Variants in MYT1 observed in about 807,000 individuals in gnomAD.
MYT1 encodes myelin transcription factor I.
A neutral mutation model predicts 123.0 loss-of-function variants in MYT1; 23 were observed. The ratio of observed to expected loss-of-function variants is 0.19; its 90% CI spans 0.13 to 0.26. The LOEUF (loss-of-function observed/expected upper bound fraction) is 0.26, where lower values mean the gene tolerates loss of function less well. Among genes scored for constraint, MYT1 ranks in the 10% least tolerant of loss-of-function variants. The probability of loss-of-function intolerance (pLI) is 1.00; values close to 1 mark genes in which losing one functional copy is unlikely to be tolerated. For synonymous variants in MYT1, 518 were observed against 575.3 expected (o/e 0.90, Z 1.43); for missense variants, 1,125 against 1,472.5 (o/e 0.76, Z 3.86).
In MYT1 at chr20:64,231,383, C is replaced by T. The variant is rs1490836464; in HGVS notation, c.2676-781C>T. ...ATGGGCCTGGGCCCTCTGCGCTGTC[C>T]TGTTTGTCTCTGACCCACACTGAGC... On this transcript the variant is annotated intron_variant, in intron 18 of 22. Coordinates refer to ENST00000328439, the MANE Select transcript of MYT1 (RefSeq NM_004535.3). This position sits in a 1 kb window ranked among gnomAD's most constrained non-coding sequence, Gnocchi z 6.4. 6.6e-6 allele frequency among the ~76,000 whole-genome samples: 1 copy of T among 152,210 alleles called. No homozygotes were observed. The highest frequency in any genetic ancestry group is 1.5e-5 in the Non-Finnish European group (1 of 68,022).
intron 4 of MYT1, among the ~76,000 whole-genome samples, chr20:64,204,124 T>G (rs1364314231): frequency 6.6e-6 from 1 of 152,208 alleles, no homozygotes; most frequent in Non-Finnish European, 1.5e-5. Context: ...GCCTGATACA[T>G]GGTGAACTCT....
intron 1 of MYT1, among the ~76,000 whole-genome samples, chr20:64,180,540 C>T (rs1438906118): frequency 6.6e-6 from 1 of 152,226 alleles, no homozygotes; most frequent in Non-Finnish European, 1.5e-5. Context: ...ACAGGACAGC[C>T]CCACCCTCTG....
intron 4 of MYT1, 107 bp downstream of exon 4, chr20:64,200,029 G>A (rs1242761835): frequency 7.5e-7 from 1 of 1,338,168 alleles, no homozygotes; most frequent in East Asian, 2.3e-5. Context: ...AAACACCCCT[G>A]GTGAGCCCCT....
chr20:64,239,947 G>T (rs1984666703), intron 22 of MYT1, 44 bp downstream of exon 22: 8 of 1,600,266 alleles, frequency 5.0e-6, no homozygotes, highest in Middle Eastern at 1.7e-4. Context: ...TACCCCCCAG[G>T]GTCTCTTCGG....
At position 64,227,979 on chromosome 20, in the gene MYT1, GGGCCA is replaced by G. The variant is rs760775730; in HGVS notation, c.2675+9_2675+13del. The G allele has an allele frequency of 6.2e-7, 1 of 1,613,434 alleles. No homozygotes were observed. The highest frequency in any genetic ancestry group is 8.5e-7 in the Non-Finnish European group (1 of 1,179,542). ...GGACCCCGAGCTGATGAAGTACGTTGGGCCATGCTGGCTCTTTCATTGCATTGCGG... is the reference window on the plus strand; with the variant it reads ...GGACCCCGAGCTGATGAAGTACGTTGTGCTGGCTCTTTCATTGCATTGCGG... On this transcript the variant is annotated intron_variant, in intron 18 of 22. Transcript: ENST00000328439.
intron 16 of MYT1, among the ~76,000 whole-genome samples, chr20:64,225,968 C>T (rs1022514462): frequency 6.6e-6 from 1 of 152,180 alleles, no homozygotes; most frequent in Non-Finnish European, 1.5e-5. Context: ...ACTCACAGTC[C>T]AATGCTGTGC....
intron 2 of MYT1, among the ~76,000 whole-genome samples, chr20:64,198,529 A>G (rs1032471492): frequency 6.6e-6 from 1 of 152,154 alleles, no homozygotes; most frequent in Non-Finnish European, 1.5e-5. Context: ...ACGGACATTC[A>G]TCAGGCTTCA....
intron 13 of MYT1, among the ~76,000 whole-genome samples, chr20:64,221,224 G>T (rs988923610): frequency 6.6e-6 from 1 of 152,154 alleles, no homozygotes; most frequent in African/African-American, 2.4e-5. Context: ...GTCAGGACAG[G>T]ATTTTGAGCT....
chr20:64,165,920 C>A (rs959141362), intron 1 of MYT1, among the ~76,000 whole-genome samples: 5 of 152,038 alleles, frequency 3.3e-5, no homozygotes, highest in Non-Finnish European at 7.4e-5. Context: ...GTGGGGCAGA[C>A]CTGGGGGGGC....
chr20:64,212,754 G>A lies in MYT1; in HGVS notation c.1517+616G>A, dbSNP rs1013305683. Among the ~76,000 whole-genome samples the A allele has an allele frequency of 1.3e-5, 2 of 151,252 alleles. No homozygotes were observed. Among genetic ancestry groups the A allele is most frequent in the African/African-American group, 2.4e-5 (1 of 41,320 alleles). On this transcript the variant is annotated intron_variant, in intron 9 of 22. Coordinates refer to ENST00000328439, the MANE Select transcript of MYT1 (RefSeq NM_004535.3). The surrounding 1 kb of genome is among the most constrained non-coding windows in gnomAD (Gnocchi z 6.8). ...GGCCCAGGTGGAAGTGAAGCTTCCC[G>A]ACCACCCTCGAGGTGTAGTTGTTGA...
chr20:64,169,322 C>T (rs1156914989), intron 1 of MYT1, among the ~76,000 whole-genome samples: 1 of 152,174 alleles, frequency 6.6e-6, no homozygotes. Flanking sequence ...AGCCACAGAC[C>T]CGAGGCGCGT....
At chr20:64,197,976 G>A (rs1361031378) in intron 2 of MYT1, among the ~76,000 whole-genome samples, 2 of 152,144 alleles carry the variant, frequency 1.3e-5, no homozygotes, top group African/African-American at 4.8e-5. Context: ...TGACCCTGGT[G>A]CGTGAGGGGC....
chr20:64,218,926 A>G lies in MYT1; in HGVS notation c.1862A>G (p.Gln621Arg). 1 of 1,613,664 alleles carries G rather than the reference A, an allele frequency of 6.2e-7. No homozygotes were observed. The highest frequency in any genetic ancestry group is 8.5e-7 in the Non-Finnish European group (1 of 1,180,026). Residue 621 changes from glutamine (Q) to arginine (R), a missense_variant, in exon 12 of 23, where the codon CAG becomes CGG. Coordinates refer to ENST00000328439, the MANE Select transcript of MYT1 (RefSeq NM_004535.3). This position sits in a 1 kb window ranked among gnomAD's most constrained non-coding sequence, Gnocchi z 4.0. ...TCTTCTGCAGGCTTTGACTACTCGC[A>G]GGACGCCGAGGCTGCACACATGGCT... The part of the protein sequence containing the change: ...PKAFQCFDYS[Q>R]DAEAAHMAAT...
chr20:64,219,044 A>C lies in MYT1; in HGVS notation c.1971+9A>C. ...AGGACCTCCCCAGCAAGGTTAGTAC[A>C]TCTGCCACAGAGCCTTTCTTGGGAG... On this transcript the variant is annotated intron_variant, in intron 12 of 22. Coordinates refer to ENST00000328439, the MANE Select transcript of MYT1 (RefSeq NM_004535.3). 3.1e-6 allele frequency: 5 copies of C among 1,607,848 alleles called. No individual in the cohort carries two copies. Among genetic ancestry groups the C allele is most frequent in the Non-Finnish European group, 4.3e-6 (5 of 1,176,298 alleles).
intron 16 of MYT1, among the ~76,000 whole-genome samples, chr20:64,226,260 A>G (rs1984165768): frequency 6.6e-6 from 1 of 152,248 alleles, no homozygotes; most frequent in Non-Finnish European, 1.5e-5. Flanking sequence ...AAAAACTCCT[A>G]GGGGCCGAAG....
chr20:64,221,803 C>T (rs1000729970), intron 13 of MYT1, 90 bp from the exon 14 acceptor site: 7 of 1,365,438 alleles, frequency 5.1e-6, no homozygotes, highest in Non-Finnish European at 7.1e-6. Flanking sequence ...TGGACACTGT[C>T]CTGAAGGGTC....
rs369047925 is a variant in MYT1, at chr20:64,208,015, G to C, written c.819G>C (p.Glu273Asp). The change falls in exon 7 of 23, where the codon GAG becomes GAC. Residue 273 changes from glutamate (E) to aspartate (D), a missense_variant. This residue lies in a region of MYT1 where 406 missense variants were observed against 432.2 expected (regional missense o/e 0.94). Transcript: ENST00000328439. This position sits in a 1 kb window ranked among gnomAD's most constrained non-coding sequence, Gnocchi z 5.4. ...EEEEEEEEEEEDEEEEEEEEE... is the reference protein window; with the variant it reads ...EEEEEEEEEEDDEEEEEEEEE... ...AGGAGGAGGAAGAGGAGGAGGAGGA[G>C]GATGAAGAAGAGGAAGAGGAAGAGG... 12 of 1,590,876 alleles carry C rather than the reference G, an allele frequency of 7.5e-6. No homozygotes were observed. Among genetic ancestry groups the C allele is most frequent in the Non-Finnish European group, 9.4e-6 (11 of 1,167,976 alleles).
chr20:64,227,998 A>G lies in MYT1; in HGVS notation c.2675+27A>G, dbSNP rs745999005. The G allele has an allele frequency of 1.9e-6, 3 of 1,603,094 alleles. No individual in the cohort carries two copies. The East Asian group carries it at 6.7e-5, about 36-fold the overall frequency. ...TACGTTGGGCCATGCTGGCTCTTTCATTGCATTGCGGAATTGAGATTTTCG... is the reference window on the plus strand; with the variant it reads ...TACGTTGGGCCATGCTGGCTCTTTCGTTGCATTGCGGAATTGAGATTTTCG... On this transcript the variant is annotated intron_variant, in intron 18 of 22. Coordinates refer to ENST00000328439, the MANE Select transcript of MYT1 (RefSeq NM_004535.3).
At chr20:64,223,010 G>T (rs1399200648) in intron 14 of MYT1, 101 bp from the exon 15 acceptor site, 2 of 1,374,184 alleles carry the variant, frequency 1.5e-6, no homozygotes, top group Middle Eastern at 1.8e-4. Context: ...TGGCTCGCGG[G>T]TGAGCCAGGA....
Sources: allele counts gnomAD v4.1 joint callset (sites outside exome capture counted in the v4.1 genomes callset), GRCh38; gene constraint gnomAD v4.1.1; regional missense constraint gnomAD v4.1.1; non-coding constraint Gnocchi (gnomAD v3.1); transcripts MANE v1.5; gene names NCBI Gene and HGNC (gene_info 2026-07-23, HGNC 2026-07-21).